Variants in NAALADL2 observed in about 807,000 individuals in gnomAD.
NAALADL2 encodes N-acetylated alpha-linked acidic dipeptidase like 2, also known as inactive N-acetylated-alpha-linked acidic dipeptidase-like protein 2.
Under a neutral mutation model 87.2 loss-of-function variants are expected in NAALADL2, and 76 were observed. The ratio of observed to expected loss-of-function variants is 0.87; its 90% CI spans 0.72 to 1.05. NAALADL2 has a LOEUF of 1.05. NAALADL2 is among the 50% of genes least tolerant of loss of function. NAALADL2 has a pLI of 0.00. For synonymous variants in NAALADL2, 354 were observed against 331.0 expected (o/e 1.07, Z -0.75); for missense variants, 1,089 against 945.8 (o/e 1.15, Z -1.99).
chr3:175,665,875 G>A (rs954250711), intron 11 of NAALADL2, among the ~76,000 whole-genome samples: 2 of 152,066 alleles, frequency 1.3e-5, no homozygotes, highest in Admixed American at 1.3e-4. Flanking sequence ...ACGTTGCAGT[G>A]AGCCAAGATC....
chr3:174,625,701 T>G (rs903548886), intron 2 of NAALADL2, among the ~76,000 whole-genome samples: 1 of 152,054 alleles, frequency 6.6e-6, no homozygotes, highest in Non-Finnish European at 1.5e-5. Flanking sequence ...TAATTGACAT[T>G]AAATCTATAT....
chr3:174,644,951 G>A (rs1375652669), intron 2 of NAALADL2, among the ~76,000 whole-genome samples: 1 of 152,204 alleles, frequency 6.6e-6, no homozygotes, highest in Non-Finnish European at 1.5e-5. Flanking sequence ...TGAGATAAGA[G>A]TTGTGAGTAG....
chr3:174,901,837 T>C (rs548943520), intron 1 of NAALADL2, among the ~76,000 whole-genome samples: 5 of 152,242 alleles, frequency 3.3e-5, no homozygotes, highest in African/African-American at 7.2e-5. Context: ...GAAAAATACA[T>C]TTTTGCACAT....
intron 4 of NAALADL2, among the ~76,000 whole-genome samples, chr3:175,274,597 C>G (rs1210525411): frequency 6.6e-6 from 1 of 152,142 alleles, no homozygotes; most frequent in African/African-American, 2.4e-5. Flanking sequence ...AAAAGGGAAC[C>G]TAGTGCTCAA....
intron 7 of NAALADL2, among the ~76,000 whole-genome samples, chr3:175,464,423 C>T (rs1170110504): frequency 1.0e-5 from 1 of 97,138 alleles, no homozygotes; most frequent in Non-Finnish European, 2.4e-5. Context: ...GACTCCATCT[C>T]AAAAAAAAAA....
intron 2 of NAALADL2, among the ~76,000 whole-genome samples, chr3:175,128,376 A>G (rs1471307705): frequency 6.6e-6 from 1 of 152,204 alleles, no homozygotes; most frequent in Non-Finnish European, 1.5e-5. Context: ...TTTGTAATAA[A>G]TGATTTAATT....
At chr3:175,186,968 TAAC>T (rs1737428562) in intron 2 of NAALADL2, among the ~76,000 whole-genome samples, 1 of 152,176 alleles carries the variant, frequency 6.6e-6, no homozygotes, top group African/African-American at 2.4e-5. Context: ...AAGATTATCT[TAAC>T]AATCCTTTAG....
intron 2 of NAALADL2, among the ~76,000 whole-genome samples, chr3:174,653,113 A>G (rs1394260519): frequency 6.6e-6 from 1 of 152,226 alleles, no homozygotes; most frequent in Non-Finnish European, 1.5e-5. Flanking sequence ...TATGTAAATT[A>G]ATAAAACCAT....
intron 11 of NAALADL2, among the ~76,000 whole-genome samples, chr3:175,662,948 T>C (rs1732463578): frequency 6.8e-6 from 1 of 146,706 alleles, no homozygotes; most frequent in Non-Finnish European, 1.5e-5. Flanking sequence ...GCCTGTAGTT[T>C]GTTTGTTTGT....
At chr3:175,255,733 T>G (rs1459088907) in intron 3 of NAALADL2, among the ~76,000 whole-genome samples, 1 of 152,202 alleles carries the variant, frequency 6.6e-6, no homozygotes, top group South Asian at 2.1e-4. Context: ...TTTTTTGCAT[T>G]AACACAGAGG....
At chr3:175,238,181 C>A (rs922779175) in intron 3 of NAALADL2, among the ~76,000 whole-genome samples, 7 of 151,984 alleles carry the variant, frequency 4.6e-5, no homozygotes, top group African/African-American at 1.7e-4. Context: ...ACCTCTACTG[C>A]AGATTTCTGG....
intron 2 of NAALADL2, among the ~76,000 whole-genome samples, chr3:175,104,034 A>C (rs1722685504): frequency 6.6e-6 from 1 of 152,138 alleles, no homozygotes; most frequent in African/African-American, 2.4e-5. Flanking sequence ...CTTTTAACTC[A>C]GACATTAGGT....
chr3:175,786,368 A>T (rs1461150697), intron 13 of NAALADL2, among the ~76,000 whole-genome samples: 1 of 152,184 alleles, frequency 6.6e-6, no homozygotes. Flanking sequence ...CTTTTCACAT[A>T]GTCCCATACT....
At chr3:175,488,585 T>C (rs991362469) in intron 9 of NAALADL2, among the ~76,000 whole-genome samples, 1 of 152,266 alleles carries the variant, frequency 6.6e-6, no homozygotes, top group Admixed American at 6.5e-5. Flanking sequence ...TAAAGTGTTT[T>C]CCCCCCTCAC....
At chr3:175,525,851 G>A (rs1304010397) in intron 9 of NAALADL2, among the ~76,000 whole-genome samples, 2 of 151,786 alleles carry the variant, frequency 1.3e-5, no homozygotes, top group Non-Finnish European at 2.9e-5. Context: ...TACTTTTATG[G>A]CAATGACCTG....
At chr3:175,782,537 A>G (rs1183253919) in intron 13 of NAALADL2, among the ~76,000 whole-genome samples, 5 of 139,372 alleles carry the variant, frequency 3.6e-5, no homozygotes, top group Non-Finnish European at 6.0e-5. Context: ...TCCTTCGCCC[A>G]CTTTTTGATG....
chr3:175,122,972 A>G (rs1383710793), intron 2 of NAALADL2, among the ~76,000 whole-genome samples: 1 of 151,878 alleles, frequency 6.6e-6, no homozygotes, highest in Non-Finnish European at 1.5e-5. Flanking sequence ...AGGGAGCCAA[A>G]CTCATCTTTT....
chr3:175,253,805 G>C (rs1043321810), intron 3 of NAALADL2, among the ~76,000 whole-genome samples: 4 of 152,142 alleles, frequency 2.6e-5, no homozygotes, highest in African/African-American at 9.7e-5. Flanking sequence ...AAGATTTTAA[G>C]GAGGTAACTG....
chr3:174,821,337 G>GA (rs1423244749), intron 3 of NAALADL2, among the ~76,000 whole-genome samples: 16 of 150,488 alleles, frequency 1.1e-4, no homozygotes, highest in South Asian at 1.1e-3. Flanking sequence ...GTGGTATAAT[G>GA]AAAAAAAAAT....
Sources: gnomAD v4.1 joint callset for allele counts (sites outside exome capture counted in the v4.1 genomes callset) on GRCh38, gnomAD v4.1.1 for gene constraint, MANE v1.5 for transcripts, NCBI Gene and HGNC (gene_info 2026-07-23, HGNC 2026-07-21) for gene names.